EXT1: variants seen among roughly 807,000 people sequenced by gnomAD.
EXT1 encodes exostosin glycosyltransferase 1.
Under a neutral mutation model 82.5 loss-of-function variants are expected in EXT1, and 20 were observed. That is an observed-to-expected ratio of 0.24 (90% CI 0.17 to 0.35). EXT1 has a LOEUF of 0.35. EXT1 is among the 10% of genes least tolerant of loss of function. EXT1 has a pLI of 1.00. For synonymous variants in EXT1, 348 were observed against 350.8 expected (o/e 0.99, Z 0.09); for missense variants, 757 against 936.5 (o/e 0.81, Z 2.50).
At chr8:117,877,891 T>C (rs773148267) in intron 1 of EXT1, among the ~76,000 whole-genome samples, 16 of 152,240 alleles carry the variant, frequency 1.1e-4, no homozygotes, top group Non-Finnish European at 2.1e-4. Flanking sequence ...AGACTACTAG[T>C]ATTTCAAGTG....
chr8:118,078,349 C>T (rs1443160276), intron 1 of EXT1, among the ~76,000 whole-genome samples: 1 of 152,142 alleles, frequency 6.6e-6, no homozygotes, highest in African/African-American at 2.4e-5. Context: ...CAGGCACAGG[C>T]CACCATGCCC....
chr8:117,861,953 G>T (rs1812694735), intron 1 of EXT1, among the ~76,000 whole-genome samples: 1 of 145,532 alleles, frequency 6.9e-6, no homozygotes. Flanking sequence ...GGTGAAAACT[G>T]ATGTTAAACT....
chr8:118,004,707 T>C (rs1359013540), intron 1 of EXT1, among the ~76,000 whole-genome samples: 2 of 152,190 alleles, frequency 1.3e-5, no homozygotes, highest in Non-Finnish European at 2.9e-5. Context: ...ACTCAGGAAA[T>C]TCCTTTTGAT....
At chr8:118,059,794 T>C (rs923179187) in intron 1 of EXT1, among the ~76,000 whole-genome samples, 3 of 152,234 alleles carry the variant, frequency 2.0e-5, no homozygotes, top group South Asian at 2.1e-4. Context: ...AATCCCATAA[T>C]ACTCACCATG....
chr8:118,004,694 C>G (rs1815739575), intron 1 of EXT1, among the ~76,000 whole-genome samples: 1 of 152,222 alleles, frequency 6.6e-6, no homozygotes, highest in Non-Finnish European at 1.5e-5. Context: ...CCTTACATCA[C>G]AAACTCAGGA....
At chr8:117,993,804 T>G (rs1055425018) in intron 1 of EXT1, among the ~76,000 whole-genome samples, 2 of 152,222 alleles carry the variant, frequency 1.3e-5, no homozygotes, top group African/African-American at 4.8e-5. Context: ...AATGTCCTGG[T>G]TATCTTGCGG....
At chr8:117,811,268 G>C (rs1043568343) in intron 8 of EXT1, among the ~76,000 whole-genome samples, 1 of 152,190 alleles carries the variant, frequency 6.6e-6, no homozygotes, top group Non-Finnish European at 1.5e-5. Context: ...TTGAATGAAT[G>C]TGTTCCAGCT....
chr8:117,980,700 T>C (rs1463941169), intron 1 of EXT1, among the ~76,000 whole-genome samples: 1 of 11,152 alleles, frequency 9.0e-5, no homozygotes, highest in Admixed American at 2.2e-3. Flanking sequence ...TGTTGGTGGT[T>C]TTTTTTTTTT....
chr8:118,040,228 C>T (rs1190240865), intron 1 of EXT1, among the ~76,000 whole-genome samples: 4 of 152,078 alleles, frequency 2.6e-5, no homozygotes, highest in African/African-American at 9.7e-5. Context: ...TTCATACTAA[C>T]GCCTTTTGCA....
chr8:118,063,054 T>C (rs1274590228), intron 1 of EXT1, among the ~76,000 whole-genome samples: 1 of 152,162 alleles, frequency 6.6e-6, no homozygotes, highest in African/African-American at 2.4e-5. Context: ...AAATACAAAC[T>C]TTTTGACAGA....
chr8:118,103,436 G>A (rs958090886), intron 1 of EXT1, among the ~76,000 whole-genome samples: 10 of 152,196 alleles, frequency 6.6e-5, no homozygotes, highest in African/African-American at 2.4e-4. Flanking sequence ...ACAGGCATGA[G>A]CCACTGTGCT....
chr8:117,812,535 A>G (rs1420085530), intron 8 of EXT1, among the ~76,000 whole-genome samples: 1 of 152,126 alleles, frequency 6.6e-6, no homozygotes, highest in Admixed American at 6.5e-5. Context: ...AATGCAGAAC[A>G]CGCACCCTCC....
chr8:118,013,059 G>T (rs1342779239), intron 1 of EXT1, among the ~76,000 whole-genome samples: 1 of 151,918 alleles, frequency 6.6e-6, no homozygotes, highest in East Asian at 1.9e-4. Context: ...CTTTGAGACA[G>T]AATCTCTCTC....
chr8:117,862,020 C>T (rs529582436), intron 1 of EXT1, among the ~76,000 whole-genome samples: 2 of 145,904 alleles, frequency 1.4e-5, no homozygotes, highest in Admixed American at 1.4e-4. Flanking sequence ...ACTTTCAAAA[C>T]CCACACAAAA....
rs372805382 is a variant in EXT1, at chr8:117,962,193, T to C, written c.963-124992A>G. On this transcript the variant is annotated intron_variant, in intron 1 of 10. Transcript: ENST00000378204. ...CCTGGTAGAAGAATATGCTTCAGAC[T>C]ACCCAGTGGCTATAGTAAACAAACC... Among the ~76,000 whole-genome samples the C allele has an allele frequency of 4.6e-5, 7 of 152,320 alleles. No homozygotes were observed. The East Asian group carries it at 1.2e-3, about 25-fold the overall frequency.
intron 1 of EXT1, among the ~76,000 whole-genome samples, chr8:117,992,438 TA>T (rs142840509): frequency 0.049 from 2,626 of 53,114 alleles, 47 homozygotes; most frequent in African/African-American, 0.12. Flanking sequence ...TTCAACTAGC[TA>T]AAAAAAAAAA....
intron 1 of EXT1, among the ~76,000 whole-genome samples, chr8:118,096,944 A>T (rs1354447536): frequency 2.0e-5 from 3 of 152,124 alleles, no homozygotes; most frequent in Non-Finnish European, 2.9e-5. Flanking sequence ...ATAAATGTAA[A>T]TTTTTTTCAT....
intron 1 of EXT1, among the ~76,000 whole-genome samples, chr8:118,041,676 AG>A (rs757315733): frequency 2.1e-5 from 3 of 142,930 alleles, no homozygotes; most frequent in Non-Finnish European, 3.1e-5. Context: ...GAAGGAAGGA[AG>A]GAAGGAAGGA....
intron 9 of EXT1, among the ~76,000 whole-genome samples, chr8:117,806,827 G>A (rs911577071): frequency 6.6e-6 from 1 of 152,174 alleles, no homozygotes; most frequent in African/African-American, 2.4e-5. Flanking sequence ...TTCTTTGTTA[G>A]AATATAAGAC....
Sources: gnomAD v4.1 joint callset for allele counts (sites outside exome capture counted in the v4.1 genomes callset) on GRCh38, gnomAD v4.1.1 for gene constraint, MANE v1.5 for transcripts, NCBI Gene and HGNC (gene_info 2026-07-23, HGNC 2026-07-21) for gene names.